Variants in BCL9 observed in about 807,000 individuals in gnomAD.
BCL9 encodes BCL9 transcription coactivator.
A neutral mutation model predicts 88.5 loss-of-function variants in BCL9; 25 were observed. The observed-to-expected ratio is 0.28, with a 90% CI of 0.21 to 0.39. BCL9 has a LOEUF of 0.39. BCL9 is among the 10% of genes least tolerant of loss of function. BCL9 has a pLI of 1.00. For synonymous variants in BCL9, 711 were observed against 673.3 expected, an observed-to-expected ratio of 1.06 and a Z score of -0.87; for missense variants, 1,817 against 1,877.8, an observed-to-expected ratio of 0.97 and a Z score of 0.60.
At chr1:147,589,084 A>T (rs782504153) in intron 1 of BCL9, among the ~76,000 whole-genome samples, 2 of 152,194 alleles carry the variant, frequency 1.3e-5, no homozygotes, top group Admixed American at 6.5e-5. Context: ...ATATTAGCCC[A>T]GGCAAACCAT....
intron 1 of BCL9, among the ~76,000 whole-genome samples, chr1:147,575,190 A>C (rs202058529): frequency 1.5e-4 from 23 of 152,320 alleles, no homozygotes; most frequent in East Asian, 9.6e-4. Flanking sequence ...TAAGGACCTG[A>C]AGATGAGGGA....
chr1:147,565,920 GC>G (rs1655574436), intron 1 of BCL9, among the ~76,000 whole-genome samples: 1 of 152,050 alleles, frequency 6.6e-6, no homozygotes, highest in South Asian at 2.1e-4. Context: ...CTTACCAGAG[GC>G]CAGCGCTTTT....
chr1:147,542,662 G>T (rs1286537871), intron 1 of BCL9, among the ~76,000 whole-genome samples: 1 of 151,282 alleles, frequency 6.6e-6, no homozygotes, highest in Non-Finnish European at 1.5e-5. Flanking sequence ...CCACCTGTTG[G>T]CTTCTGTCCT....
chr1:147,547,458 TCATCTTGCTTGGAG>T (rs1553194366), intron 1 of BCL9, among the ~76,000 whole-genome samples: 3 of 152,222 alleles, frequency 2.0e-5, no homozygotes, highest in East Asian at 3.8e-4. Flanking sequence ...TTTAGGAATA[TCATCTTGCTTGGAG>T]CAAGGGAAAC....
Position 147,619,917 on chromosome 1 carries a change from T to G in BCL9, c.1762T>G (p.Ser588Ala). ...CAACCCTGCATCTAGACCAGGTCTT[T>G]CTGGAGTCAGTTGGCCAGATGATGT... ...VPNPASRPGLSGVSWPDDVPK... is the reference protein window; with the variant it reads ...VPNPASRPGLAGVSWPDDVPK... The change falls in exon 8 of 10, where the codon TCT becomes GCT. Residue 588 changes from serine to alanine, a missense_variant. Physicochemically the swap from Ser to Ala is moderately conservative, Grantham distance 99. Transcript: ENST00000234739. This position sits in a 1 kb window ranked among gnomAD's most constrained non-coding sequence, Gnocchi z 4.1. 1.2e-6 allele frequency: 2 copies of G among 1,614,218 alleles called. No individual in the cohort carries two copies. The highest frequency in any genetic ancestry group is 1.7e-6 in the Non-Finnish European group (2 of 1,180,042).
chr1:147,576,357 C>A lies in BCL9; in HGVS notation c.-477-28420C>A, dbSNP rs782717984. 6.4e-4 allele frequency among the ~76,000 whole-genome samples: 98 copies of A among 152,148 alleles called. 1 individual carries two copies. Among genetic ancestry groups the A allele is most frequent in the Non-Finnish European group, 1.3e-3 (87 of 68,036 alleles). ...GCATATCTTTCTGGAATATTCTATG[C>A]ATACGCAAATATATCATTTTAAAGG... On this transcript the variant is annotated intron_variant, in intron 1 of 9. Transcript: ENST00000234739.
intron 1 of BCL9, among the ~76,000 whole-genome samples, chr1:147,575,809 G>A (rs1425888792): frequency 6.6e-6 from 1 of 152,124 alleles, no homozygotes; most frequent in Non-Finnish European, 1.5e-5. Context: ...AAGCCCAAGA[G>A]AATTAGAGTA....
Position 147,604,874 on chromosome 1 carries a change from C to T in BCL9, c.-380C>T, listed in dbSNP as rs1487256004. Reference sequence around the variant, plus strand: ...CATTTTTGGAAAGTTCTTCCGTGTCCCGATGTAGAAGAAATAGCAAATTGG... The same window carrying T: ...CATTTTTGGAAAGTTCTTCCGTGTCTCGATGTAGAAGAAATAGCAAATTGG... On this transcript the variant is annotated 5_prime_UTR_variant, in exon 2 of 10. Transcript: ENST00000234739. The T allele has an allele frequency of 1.3e-5, 2 of 152,062 alleles. No homozygotes were observed. Among genetic ancestry groups the T allele is most frequent in the African/African-American group, 2.4e-5 (1 of 41,380 alleles). The allele number at this position is 152,062 out of a possible 1,614,324, so 9.4% of individuals were successfully genotyped here. A position where few individuals can be genotyped will look rare whatever the true frequency, so the allele number is the denominator to read the frequency against.
chr1:147,570,580 C>T (rs1655831454), intron 1 of BCL9, among the ~76,000 whole-genome samples: 1 of 151,734 alleles, frequency 6.6e-6, no homozygotes. Context: ...CATCCTATCC[C>T]TTTGCCCCCC....
intron 1 of BCL9, among the ~76,000 whole-genome samples, chr1:147,551,363 G>A (rs1654896907): frequency 1.3e-5 from 2 of 152,184 alleles, no homozygotes; most frequent in Non-Finnish European, 2.9e-5. Context: ...GTTAAGGGCA[G>A]TACTTCTTCA....
At position 147,618,828 on chromosome 1, in the gene BCL9, T is replaced by C. The variant is rs781980017; in HGVS notation, c.673T>C (p.Ser225Pro). ...TGTTTGTCTTCAGAACACACAGATA[T>C]CTGCCCTTCGGAATGATCCGAAACC... ...RSTAPLNTQI[S>P]ALRNDPKPLP... Residue 225 changes from serine (S) to proline (P), a missense_variant, in exon 8 of 10, where the codon TCT becomes CCT. Ser to Pro is a moderately conservative substitution (Grantham distance 74). Transcript: ENST00000234739. 3.2e-6 allele frequency: 5 copies of C among 1,552,326 alleles called. No homozygotes were observed. In the South Asian group the frequency reaches 3.7e-5, roughly 12 times the overall value.
At chr1:147,599,377 G>A (rs950995255) in intron 1 of BCL9, among the ~76,000 whole-genome samples, 1 of 152,232 alleles carries the variant, frequency 6.6e-6, no homozygotes, top group African/African-American at 2.4e-5. Context: ...TGAGGGCTAG[G>A]CCGGGACCTG....
chr1:147,624,272 CG>C lies in BCL9; in HGVS notation c.3599del (p.Gly1200ValfsTer77). The C allele has an allele frequency of 6.2e-7, 1 of 1,614,224 alleles. No individual in the cohort carries two copies. The highest frequency in any genetic ancestry group is 8.5e-7 in the Non-Finnish European group (1 of 1,180,034). ...CAGCACTTTGCAAGCCTGGAGGCCC[CG>C]GGGGTCCTGACTCCTTCACTGTCCT... The part of the protein sequence containing the change: ...DAALCKPGGP[G>X]GPDSFTVLGN... On this transcript the variant is annotated frameshift_variant, in exon 10 of 10. Transcript: ENST00000234739. LOFTEE classifies it high-confidence loss of function. This position sits in a 1 kb window ranked among gnomAD's most constrained non-coding sequence, Gnocchi z 4.4.
chr1:147,605,232 C>G (rs951287300), intron 2 of BCL9, among the ~76,000 whole-genome samples: 1 of 152,186 alleles, frequency 6.6e-6, no homozygotes, highest in African/African-American at 2.4e-5. Flanking sequence ...AAGCCCCAAG[C>G]TCATTATAAT....
intron 1 of BCL9, among the ~76,000 whole-genome samples, chr1:147,594,537 G>A (rs1366128101): frequency 6.6e-6 from 1 of 152,136 alleles, no homozygotes; most frequent in African/African-American, 2.4e-5. Flanking sequence ...TAGATGTGCT[G>A]GTCATAGTTA....
intron 1 of BCL9, among the ~76,000 whole-genome samples, chr1:147,601,974 C>T (rs782777067): frequency 6.6e-6 from 1 of 152,188 alleles, no homozygotes; most frequent in African/African-American, 2.4e-5. Flanking sequence ...AATATCGGCT[C>T]ACTGCAACCT....
At chr1:147,552,587 A>C (rs1035847313) in intron 1 of BCL9, among the ~76,000 whole-genome samples, 2 of 152,196 alleles carry the variant, frequency 1.3e-5, no homozygotes, top group African/African-American at 4.8e-5. Flanking sequence ...GCCTGGGCAA[A>C]AAGAGTGAAA....
At position 147,622,593 on chromosome 1, in the gene BCL9, C is replaced by A. The variant is rs587683642; in HGVS notation, c.3163+62C>A. ...TAGACCAAAGAGAAACCTCTTGAAG[C>A]GTTTTCTCAATGGCTATACACCTGA... On this transcript the variant is annotated intron_variant, in intron 9 of 9. Coordinates refer to ENST00000234739, the MANE Select transcript of BCL9 (RefSeq NM_004326.4). The A allele has an allele frequency of 3.1e-6, 5 of 1,590,710 alleles. No homozygotes were observed. In the African/African-American group the frequency reaches 6.7e-5, roughly 21 times the overall value.
chr1:147,559,635 T>C (rs1203356498), intron 1 of BCL9, among the ~76,000 whole-genome samples: 2 of 152,186 alleles, frequency 1.3e-5, no homozygotes, highest in Non-Finnish European at 2.9e-5. Flanking sequence ...AGAGATGGTA[T>C]TTTTACCTCA....
Sources: allele counts gnomAD v4.1 joint callset (sites outside exome capture counted in the v4.1 genomes callset), GRCh38; gene constraint gnomAD v4.1.1; non-coding constraint Gnocchi (gnomAD v3.1); transcripts MANE v1.5; gene names NCBI Gene and HGNC (gene_info 2026-07-23, HGNC 2026-07-21).